FAM81A: variants seen among roughly 807,000 people sequenced by gnomAD.
FAM81A encodes the protein protein FAM81A.
Under a neutral mutation model 46.7 loss-of-function variants are expected in FAM81A, and 19 were observed. That is an observed-to-expected ratio of 0.41 (90% CI 0.28 to 0.60). The LOEUF is 0.60. Ranked by LOEUF, FAM81A falls within the 20% of genes least tolerant of loss-of-function variation. The probability of loss-of-function intolerance (pLI) is 0.34; values close to 1 mark genes in which losing one functional copy is unlikely to be tolerated. For synonymous variants in FAM81A, 183 were observed against 152.9 expected (o/e 1.20, Z -1.45); for missense variants, 377 against 453.5 (o/e 0.83, Z 1.53).
intron 2 of FAM81A, among the ~76,000 whole-genome samples, chr15:59,420,242 TC>T (rs777988232): frequency 7.1e-4 from 108 of 152,330 alleles, no homozygotes; most frequent in Non-Finnish European, 1.1e-3. Context: ...ATTCTGGCAA[TC>T]CCCATTATAC....
chr15:59,428,179 C>A (rs1384844045), intron 2 of FAM81A, among the ~76,000 whole-genome samples: 1 of 152,200 alleles, frequency 6.6e-6, no homozygotes, highest in Non-Finnish European at 1.5e-5. Flanking sequence ...TTTTCATACA[C>A]CTGTTTGCCA....
At chr15:59,403,887 CTT>C (rs11387570) in intron 2 of FAM81A, among the ~76,000 whole-genome samples, 13 of 140,034 alleles carry the variant, frequency 9.3e-5, no homozygotes, top group Non-Finnish European at 1.1e-4. Flanking sequence ...CTTTTCTTTT[CTT>C]TTTTTTTTTT....
chr15:59,472,782 T>C (rs1197874527), intron 3 of FAM81A, among the ~76,000 whole-genome samples: 1 of 152,114 alleles, frequency 6.6e-6, no homozygotes. Flanking sequence ...TTAACCCCCT[T>C]AAGTTAGTCA....
intron 1 of FAM81A, chr15:59,438,894 A>T (rs1206850000): frequency 6.6e-6 from 1 of 152,196 alleles, no homozygotes; most frequent in East Asian, 1.9e-4. Flanking sequence ...GGTGGTCCGG[A>T]GAATGGCTTC....
At chr15:59,447,176 T>G (rs547396228) in intron 1 of FAM81A, among the ~76,000 whole-genome samples, 1 of 152,384 alleles carries the variant, frequency 6.6e-6, no homozygotes, top group African/African-American at 2.4e-5. Context: ...CTAGAATCCT[T>G]GCCTCACCCT....
intron 3 of FAM81A, among the ~76,000 whole-genome samples, chr15:59,464,693 C>A (rs1280596859): frequency 6.6e-6 from 1 of 152,042 alleles, no homozygotes; most frequent in Non-Finnish European, 1.5e-5. Flanking sequence ...GTTTGAGTTC[C>A]TTCTGTATTC....
Position 59,414,356 on chromosome 15 carries a change from C to T in FAM81A, c.-78+11998C>T, listed in dbSNP as rs558371099. ...TAGCTGAGTCCATGAAATGAACTGACAACAGGCAGATTAACAGGAGAAAAG... is the reference window on the plus strand; with the variant it reads ...TAGCTGAGTCCATGAAATGAACTGATAACAGGCAGATTAACAGGAGAAAAG... On this transcript the variant is annotated intron_variant, in intron 2 of 4. Coordinates refer to the FAM81A transcript ENST00000558348. 3.3e-5 allele frequency among the ~76,000 whole-genome samples: 5 copies of T among 152,212 alleles called. No individual in the cohort carries two copies. In the East Asian group the frequency reaches 9.6e-4, roughly 29 times the overall value.
chr15:59,489,813 G>A (rs941766400), intron 3 of FAM81A, among the ~76,000 whole-genome samples: 3 of 152,202 alleles, frequency 2.0e-5, no homozygotes, highest in African/African-American at 7.2e-5. Flanking sequence ...GGAAATGACA[G>A]TCTGTTCAAT....
intron 2 of FAM81A, among the ~76,000 whole-genome samples, chr15:59,424,726 G>A (rs919962810): frequency 6.6e-6 from 1 of 152,248 alleles, no homozygotes; most frequent in South Asian, 2.1e-4. Flanking sequence ...TCACAAGTTC[G>A]CTGAACTCTA....
At chr15:59,518,899 A>G (rs1485660614) in intron 8 of FAM81A, among the ~76,000 whole-genome samples, 1 of 151,142 alleles carries the variant, frequency 6.6e-6, no homozygotes, top group Non-Finnish European at 1.5e-5. Flanking sequence ...GTATTCAAGC[A>G]GGTTAACATA....
chr15:59,420,229 C>T (rs1442901259), intron 2 of FAM81A, among the ~76,000 whole-genome samples: 9 of 152,212 alleles, frequency 5.9e-5, no homozygotes. Context: ...GCTTCTAGCG[C>T]TGATTCTGGC....
intron 8 of FAM81A, among the ~76,000 whole-genome samples, chr15:59,520,394 T>A (rs1018469332): frequency 6.6e-6 from 1 of 152,160 alleles, no homozygotes. Context: ...TAATTAGTGA[T>A]GTTGGCCCTT....
At chr15:59,467,060 G>T (rs545174502) in intron 3 of FAM81A, among the ~76,000 whole-genome samples, 16 of 152,222 alleles carry the variant, frequency 1.1e-4, no homozygotes, top group African/African-American at 3.9e-4. Context: ...TGTTCCATTG[G>T]TCTATATGTC....
chr15:59,491,820 G>A (rs1181662185), intron 3 of FAM81A, among the ~76,000 whole-genome samples: 2 of 152,072 alleles, frequency 1.3e-5, no homozygotes, highest in African/African-American at 4.8e-5. Flanking sequence ...GCAAAACTTA[G>A]CCAGGTGTGA....
intron 2 of FAM81A, among the ~76,000 whole-genome samples, chr15:59,421,136 A>T (rs2081169108): frequency 6.6e-6 from 1 of 152,194 alleles, no homozygotes; most frequent in African/African-American, 2.4e-5. Context: ...TAAAATGCAG[A>T]TTCTGATCCT....
At chr15:59,508,294 A>G (rs1163365499) in intron 5 of FAM81A, among the ~76,000 whole-genome samples, 1 of 152,210 alleles carries the variant, frequency 6.6e-6, no homozygotes, top group Non-Finnish European at 1.5e-5. Context: ...ATCTTTAAGT[A>G]AGGAACATGG....
At chr15:59,432,166 T>C (rs977212215) in intron 2 of FAM81A, among the ~76,000 whole-genome samples, 1 of 152,230 alleles carries the variant, frequency 6.6e-6, no homozygotes, top group African/African-American at 2.4e-5. Context: ...CATGTACTCA[T>C]AAAGCGCTCG....
chr15:59,466,674 G>A (rs1418212142), intron 3 of FAM81A, among the ~76,000 whole-genome samples: 2 of 152,090 alleles, frequency 1.3e-5, no homozygotes, highest in African/African-American at 4.8e-5. Context: ...CACTCTGATG[G>A]TAGTTTCTTT....
At chr15:59,439,197 G>C (rs2081270738) in intron 1 of FAM81A, 1 of 152,036 alleles carries the variant, frequency 6.6e-6, no homozygotes. Flanking sequence ...TATTTCATAG[G>C]AGTAACCAGA....
Sources: allele counts gnomAD v4.1 joint callset (sites outside exome capture counted in the v4.1 genomes callset), GRCh38; gene constraint gnomAD v4.1.1; transcripts MANE v1.5; gene names NCBI Gene and HGNC (gene_info 2026-07-23, HGNC 2026-07-21).